Variants in GRIK2 observed in about 807,000 individuals in gnomAD.
GRIK2 encodes the protein glutamate ionotropic receptor kainate type subunit 2.
Under a neutral mutation model 100.3 loss-of-function variants are expected in GRIK2, and 32 were observed. The observed-to-expected ratio is 0.32, with a 90% confidence interval of 0.24 to 0.43. GRIK2 has a LOEUF of 0.43. Ranked by LOEUF, GRIK2 falls within the 20% of genes least tolerant of loss-of-function variation. GRIK2 has a pLI of 1.00. For synonymous variants in GRIK2, 417 were observed against 389.4 expected, an observed-to-expected ratio of 1.07 and a Z score of -0.83; for missense variants, 843 against 1,114.9, an observed-to-expected ratio of 0.76 and a Z score of 3.47.
At chr6:101,800,890 T>A (rs1402466026) in intron 8 of GRIK2, among the ~76,000 whole-genome samples, 1 of 152,002 alleles carries the variant, frequency 6.6e-6, no homozygotes, top group Admixed American at 6.6e-5. Flanking sequence ...TTGTATGACA[T>A]TCCCCATTGT....
At chr6:101,979,031 A>G (rs1793563946) in intron 14 of GRIK2, among the ~76,000 whole-genome samples, 2 of 152,004 alleles carry the variant, frequency 1.3e-5, no homozygotes, top group Non-Finnish European at 1.5e-5. Context: ...TTTTCAACCA[A>G]TTAGTGTATC....
At chr6:101,642,676 T>C (rs554783984) in intron 4 of GRIK2, among the ~76,000 whole-genome samples, 21 of 151,848 alleles carry the variant, frequency 1.4e-4, no homozygotes, top group Non-Finnish European at 2.5e-4. Flanking sequence ...TTAGCTATTA[T>C]AAATAATGCT....
At chr6:101,607,961 C>T (rs1312121367) in intron 2 of GRIK2, among the ~76,000 whole-genome samples, 1 of 151,568 alleles carries the variant, frequency 6.6e-6, no homozygotes, top group Admixed American at 6.6e-5. Flanking sequence ...ACCTTTCTCA[C>T]GAGAATTATC....
intron 7 of GRIK2, among the ~76,000 whole-genome samples, chr6:101,687,367 T>C (rs1212903655): frequency 6.6e-6 from 1 of 151,956 alleles, no homozygotes; most frequent in African/African-American, 2.4e-5. Context: ...TGGGGTGATA[T>C]TTACATTTCA....
At chr6:102,038,640 C>T (rs1467488825) in intron 15 of GRIK2, among the ~76,000 whole-genome samples, 2 of 146,546 alleles carry the variant, frequency 1.4e-5, no homozygotes, top group African/African-American at 5.0e-5. Flanking sequence ...AAAAATTGTA[C>T]TTAATTATAA....
chr6:101,623,345 A>G lies in GRIK2; in HGVS notation c.283+1229A>G, dbSNP rs371626629. ...AAGTTTCCACATTTCAGAGCCTGTC[A>G]GGTGATGAAAGGTTTTGAAGACTGA... On this transcript the variant is annotated intron_variant, in intron 3 of 16. Transcript: ENST00000369134. Among the ~76,000 whole-genome samples, 48 of 152,202 alleles carry G rather than the reference A, an allele frequency of 3.2e-4. No individual in the cohort carries two copies. The East Asian group carries it at 7.3e-3, about 23-fold the overall frequency.
At chr6:101,906,471 C>T (rs1248573819) in intron 12 of GRIK2, among the ~76,000 whole-genome samples, 1 of 151,154 alleles carries the variant, frequency 6.6e-6, no homozygotes. Flanking sequence ...TATGCTCTCA[C>T]TAAGAAGTGT....
intron 7 of GRIK2, among the ~76,000 whole-genome samples, chr6:101,791,387 C>G (rs1328988182): frequency 6.6e-6 from 1 of 152,080 alleles, no homozygotes; most frequent in Non-Finnish European, 1.5e-5. Context: ...GAATGTGTCC[C>G]AGCGATTCTG....
chr6:102,033,919 C>T (rs1221339721), intron 14 of GRIK2, among the ~76,000 whole-genome samples: 1 of 151,216 alleles, frequency 6.6e-6, no homozygotes, highest in Non-Finnish European at 1.5e-5. Context: ...GATACAGTAG[C>T]AACATGTCTT....
Position 101,524,717 on chromosome 6 carries a change from CG to C in GRIK2, c.116-97231del, listed in dbSNP as rs1486314141. Among the ~76,000 whole-genome samples the C allele has an allele frequency of 8.1e-3, 706 of 86,976 alleles. 4 individuals carry two copies. Among genetic ancestry groups the C allele is most frequent in the African/African-American group, 0.047 (671 of 14,152 alleles). The allele number at this position is 86,976 out of a possible 152,430, so 57.1% of individuals were successfully genotyped here. A position where few individuals can be genotyped will look rare whatever the true frequency, so the allele number is the denominator to read the frequency against. On this transcript the variant is annotated intron_variant, in intron 2 of 16. Transcript: ENST00000369134. ...GAAAGAAACTTAAGACTTGCATGTT[CG>C]TTTTTTTTTTTTTTTTCTTCTTTTT... is the stretch of plus-strand genomic sequence containing the variant.
intron 14 of GRIK2, among the ~76,000 whole-genome samples, chr6:101,950,426 C>A (rs540663876): frequency 1.3e-5 from 2 of 152,254 alleles, no homozygotes; most frequent in Non-Finnish European, 2.9e-5. Context: ...ACTTTGTAGT[C>A]CAGTTATCAA....
intron 7 of GRIK2, among the ~76,000 whole-genome samples, chr6:101,763,529 C>A (rs1418220142): frequency 6.6e-6 from 1 of 152,202 alleles, no homozygotes; most frequent in Non-Finnish European, 1.5e-5. Flanking sequence ...ATTAGCCAAT[C>A]AAAATCATCT....
intron 14 of GRIK2, among the ~76,000 whole-genome samples, chr6:101,945,630 A>C (rs1390722957): frequency 6.6e-6 from 1 of 152,166 alleles, no homozygotes; most frequent in African/African-American, 2.4e-5. Flanking sequence ...TAAGCTTATA[A>C]GTTTACTACT....
chr6:101,775,761 A>G (rs1286281546), intron 7 of GRIK2, among the ~76,000 whole-genome samples: 1 of 151,456 alleles, frequency 6.6e-6, no homozygotes, highest in Non-Finnish European at 1.5e-5. Flanking sequence ...TATGGAAACA[A>G]TATATATATG....
chr6:101,776,778 T>C (rs1487253050), intron 7 of GRIK2, among the ~76,000 whole-genome samples: 3 of 152,234 alleles, frequency 2.0e-5, no homozygotes, highest in African/African-American at 7.2e-5. Context: ...GTCATGTACA[T>C]AACACATTGT....
rs143766215 is a variant in GRIK2, at chr6:101,828,717, C to A, written c.1317+10234C>A. Among the ~76,000 whole-genome samples the A allele has an allele frequency of 6.4e-4, 98 of 151,982 alleles. 1 individual carries two copies. The East Asian group carries it at 0.018, about 28-fold the overall frequency. ...AACACACAACCTTCCAAGATTGAAC[C>A]AGGACAAAACAGAAATCCTGAACAG... is the stretch of plus-strand genomic sequence containing the variant. On this transcript the variant is annotated intron_variant, in intron 10 of 16. Transcript: ENST00000369134.
intron 15 of GRIK2, among the ~76,000 whole-genome samples, chr6:102,045,593 G>A (rs1175011469): frequency 6.6e-6 from 1 of 151,742 alleles, no homozygotes; most frequent in African/African-American, 2.4e-5. Context: ...CTGGTATCAA[G>A]AGAAGAAAAA....
chr6:101,496,532 T>C (rs1773456889), intron 2 of GRIK2, among the ~76,000 whole-genome samples: 1 of 152,164 alleles, frequency 6.6e-6, no homozygotes, highest in African/African-American at 2.4e-5. Flanking sequence ...ACACTATGCA[T>C]GATATATATT....
At chr6:101,687,685 T>C (rs1217299172) in intron 7 of GRIK2, among the ~76,000 whole-genome samples, 1 of 151,920 alleles carries the variant, frequency 6.6e-6, no homozygotes. Flanking sequence ...GTTTTCAGTT[T>C]GTGAGAAAAA....
Sources: allele counts gnomAD v4.1 joint callset (sites outside exome capture counted in the v4.1 genomes callset), GRCh38; gene constraint gnomAD v4.1.1; transcripts MANE v1.5; gene names NCBI Gene and HGNC (gene_info 2026-07-23, HGNC 2026-07-21).